Variants in IRAK2 observed in about 807,000 individuals in gnomAD.
IRAK2 encodes the protein interleukin 1 receptor associated kinase 2, also known as interleukin-1 receptor-associated kinase-like 2.
In IRAK2, 57 loss-of-function variants were observed where a neutral mutation model predicts 72.0. That is an observed-to-expected ratio of 0.79 (90% confidence interval 0.64 to 0.99). IRAK2 has a LOEUF of 0.99. Among genes scored for constraint, IRAK2 ranks in the 50% least tolerant of loss-of-function variants. The pLI, the probability that IRAK2 is intolerant of heterozygous loss-of-function variation, is 0.00. For missense variants in IRAK2, 790 were observed against 794.4 expected (o/e 0.99, Z 0.07); for synonymous variants, 293 against 312.7 (o/e 0.94, Z 0.67).
chr3:10,200,279 G>A, intron 2 of IRAK2, 90 bp from the exon 3 acceptor site: 1 of 1,167,896 alleles, frequency 8.6e-7, no homozygotes, highest in Non-Finnish European at 1.2e-6. Flanking sequence ...GCCAGAATTA[G>A]AACCCAGGTC....
At chr3:10,237,942 T>C (rs1241090793) in intron 11 of IRAK2, among the ~76,000 whole-genome samples, 1 of 150,764 alleles carries the variant, frequency 6.6e-6, no homozygotes, top group Non-Finnish European at 1.5e-5. Flanking sequence ...TGTGTGTGTG[T>C]GTGTGTGTGT....
At chr3:10,166,436 T>C (rs2125137691) in intron 1 of IRAK2, among the ~76,000 whole-genome samples, 1 of 152,322 alleles carries the variant, frequency 6.6e-6, no homozygotes, top group African/African-American at 2.4e-5. Flanking sequence ...TTGTCTCTGC[T>C]TTCCAGGTGG....
intron 12 of IRAK2, among the ~76,000 whole-genome samples, chr3:10,240,716 T>C (rs1222480760): frequency 1.3e-5 from 2 of 151,094 alleles, no homozygotes; most frequent in South Asian, 2.1e-4. Context: ...TGTGCCACCA[T>C]GCCTGGCTAA....
intron 10 of IRAK2, among the ~76,000 whole-genome samples, chr3:10,232,067 C>A (rs1200310852): frequency 6.6e-6 from 1 of 152,172 alleles, no homozygotes; most frequent in Non-Finnish European, 1.5e-5. Context: ...GCGGAGCTTG[C>A]AGTGAGCCGA....
intron 2 of IRAK2, 52 bp downstream of exon 2, chr3:10,178,072 T>A: frequency 2.1e-6 from 3 of 1,436,448 alleles, no homozygotes; most frequent in Non-Finnish European, 2.8e-6. Context: ...TCCTGAGCAG[T>A]TTCCATCCGT....
intron 8 of IRAK2, 91 bp downstream of exon 8, chr3:10,219,880 C>G: frequency 3.7e-6 from 3 of 800,994 alleles, no homozygotes; most frequent in Non-Finnish European, 6.4e-6. Flanking sequence ...CCGCCACTCA[C>G]CCCTGTCCTC....
At chr3:10,200,612 A>T (rs943042114) in intron 3 of IRAK2, 97 bp downstream of exon 3, 48 of 1,088,648 alleles carry the variant, frequency 4.4e-5, no homozygotes, top group Non-Finnish European at 5.6e-5. Flanking sequence ...AGAGCAAAAA[A>T]TTGAGGCTGA....
At chr3:10,220,436 C>T (rs1183593720) in intron 8 of IRAK2, among the ~76,000 whole-genome samples, 1 of 152,014 alleles carries the variant, frequency 6.6e-6, no homozygotes, top group Non-Finnish European at 1.5e-5. Flanking sequence ...TCTTTTCTCT[C>T]CCCCAATTTT....
chr3:10,187,607 C>T (rs185987012), intron 2 of IRAK2, among the ~76,000 whole-genome samples: 2 of 151,920 alleles, frequency 1.3e-5, no homozygotes, highest in East Asian at 1.9e-4. Flanking sequence ...CGGGAAACCC[C>T]GCATACTTTA....
At chr3:10,179,322 A>G (rs1353643319) in intron 2 of IRAK2, among the ~76,000 whole-genome samples, 1 of 146,300 alleles carries the variant, frequency 6.8e-6, no homozygotes, top group African/African-American at 2.5e-5. Context: ...CCCAGGCTGG[A>G]GAGCAGTGGC....
At position 10,224,990 on chromosome 3, in the gene IRAK2, G is replaced by A. The variant is rs534041376; in HGVS notation, c.1210-1381G>A. 2.6e-5 allele frequency among the ~76,000 whole-genome samples: 4 copies of A among 151,762 alleles called. No homozygotes were observed. The East Asian group carries it at 7.9e-4, about 30-fold the overall frequency. On this transcript the variant is annotated intron_variant, in intron 9 of 12. Transcript: ENST00000256458. ...CTGCTCTGTGAAAGGGGCACAGGAA[G>A]TCTTTGTTTATTCATTTCCCCTTGT...
chr3:10,175,890 C>CAAA (rs59718922), intron 1 of IRAK2, among the ~76,000 whole-genome samples: 46 of 53,570 alleles, frequency 8.6e-4, no homozygotes, highest in East Asian at 2.1e-3. Context: ...GACTCCGTCT[C>CAAA]AAAAAAAAAA....
At chr3:10,207,173 A>C (rs751283476) in intron 3 of IRAK2, among the ~76,000 whole-genome samples, 2 of 149,076 alleles carry the variant, frequency 1.3e-5, no homozygotes, top group African/African-American at 2.5e-5. Flanking sequence ...TCATGGTCTT[A>C]AACTCTTAAC....
chr3:10,186,558 G>A (rs926195666), intron 2 of IRAK2, among the ~76,000 whole-genome samples: 1 of 151,598 alleles, frequency 6.6e-6, no homozygotes, highest in Admixed American at 6.6e-5. Flanking sequence ...GGGAAGGCAG[G>A]ACTCTTAATT....
At chr3:10,209,791 G>T in intron 4 of IRAK2, 99 bp downstream of exon 4, 1 of 620,086 alleles carries the variant, frequency 1.6e-6, no homozygotes, top group South Asian at 3.9e-5. Context: ...CCAGTTTAAG[G>T]GTGGAGAGGA....
chr3:10,175,762 C>T (rs895622532), intron 1 of IRAK2, among the ~76,000 whole-genome samples: 8 of 151,672 alleles, frequency 5.3e-5, no homozygotes, highest in Non-Finnish European at 1.0e-4. Context: ...TGGTGGTGGG[C>T]GCCTGTAGTC....
chr3:10,219,803 G>C lies in IRAK2; in HGVS notation c.1013+14G>C, dbSNP rs780164251. 1.3e-6 allele frequency: 2 copies of C among 1,568,178 alleles called. No individual in the cohort carries two copies. Among genetic ancestry groups the C allele is most frequent in the Non-Finnish European group, 1.8e-6 (2 of 1,138,472 alleles). The stretch of plus-strand genomic sequence containing the variant: ...CAACGTCAAGAGGTGAGAGAGGTGG[G>C]CTGGACCCTGCTGGGGCCTGGGCTG... On this transcript the variant is annotated intron_variant, in intron 8 of 12. Transcript: ENST00000256458.
intron 3 of IRAK2, among the ~76,000 whole-genome samples, chr3:10,202,334 T>C (rs1697371585): frequency 6.6e-6 from 1 of 152,164 alleles, no homozygotes; most frequent in Admixed American, 6.6e-5. Flanking sequence ...AAGATAAACA[T>C]CACAGCCAGC....
At chr3:10,184,768 C>A (rs1217561614) in intron 2 of IRAK2, among the ~76,000 whole-genome samples, 4 of 128,364 alleles carry the variant, frequency 3.1e-5, no homozygotes, top group African/African-American at 1.2e-4. Flanking sequence ...CTTGCTCTGT[C>A]GCCCAGGCTG....
Sources: gnomAD v4.1 joint callset for allele counts (sites outside exome capture counted in the v4.1 genomes callset) on GRCh38, gnomAD v4.1.1 for gene constraint, MANE v1.5 for transcripts, NCBI Gene and HGNC (gene_info 2026-07-23, HGNC 2026-07-21) for gene names.